CCNT1: variants seen among roughly 807,000 people sequenced by gnomAD.
CCNT1 encodes cyclin T1.
In CCNT1, 18 loss-of-function variants were observed where a neutral mutation model predicts 67.3. That is an observed-to-expected ratio of 0.27 (90% CI 0.18 to 0.40). The LOEUF (loss-of-function observed/expected upper bound fraction) is 0.40, where lower values mean the gene tolerates loss of function less well. Among genes scored for constraint, CCNT1 ranks in the 10% least tolerant of loss-of-function variants. The probability of loss-of-function intolerance (pLI) is 1.00; values close to 1 mark genes in which losing one functional copy is unlikely to be tolerated. For synonymous variants in CCNT1, 333 were observed against 310.3 expected (o/e 1.07, Z -0.77); for missense variants, 744 against 884.9 (o/e 0.84, Z 2.02).
At chr12:48,710,304 A>G (rs375983031) in intron 2 of CCNT1, among the ~76,000 whole-genome samples, 185 of 152,336 alleles carry the variant, frequency 1.2e-3, no homozygotes, top group African/African-American at 4.4e-3. Context: ...CATTTAATGT[A>G]TTAAGTCCTC....
At chr12:48,698,957 A>G (rs1940224136) in intron 5 of CCNT1, among the ~76,000 whole-genome samples, 1 of 140,354 alleles carries the variant, frequency 7.1e-6, no homozygotes, top group Non-Finnish European at 1.5e-5. Context: ...ACTCCGTCTC[A>G]AAAAAAAAAA....
rs746874868 is a variant in CCNT1, at chr12:48,693,293, T to C, written c.1921A>G (p.Lys641Glu). The change falls in exon 9 of 9, where the codon AAA (lysine) becomes GAA (glutamate). Residue 641 changes from lysine (K) to glutamate (E), a missense_variant. Physicochemically the swap from Lys to Glu is moderately conservative, Grantham distance 56. Transcript: ENST00000261900. Reference protein sequence around the residue: ...KTRVPHSKLDKGPTGANGHNT... With the variant: ...KTRVPHSKLDEGPTGANGHNT... ...TGACCATTGGCCCCAGTGGGCCCTT[T>C]ATCCAGTTTCGAATGAGGGACACGA... The C allele has an allele frequency of 6.2e-7, 1 of 1,614,254 alleles. No homozygotes were observed. Among genetic ancestry groups the C allele is most frequent in the South Asian group, 1.1e-5 (1 of 91,080 alleles).
intron 1 of CCNT1, among the ~76,000 whole-genome samples, chr12:48,715,304 A>G (rs978710046): frequency 8.5e-5 from 13 of 152,346 alleles, no homozygotes; most frequent in African/African-American, 2.9e-4. Context: ...AGATACACAC[A>G]TTACTGTCAG....
At chr12:48,697,688 G>A (rs1245109845) in intron 6 of CCNT1, among the ~76,000 whole-genome samples, 3 of 147,414 alleles carry the variant, frequency 2.0e-5, no homozygotes, top group Non-Finnish European at 3.0e-5. Flanking sequence ...GCGTGGTGGC[G>A]GGTACCTGTA....
intron 6 of CCNT1, among the ~76,000 whole-genome samples, chr12:48,697,733 G>C (rs1940194882): frequency 6.8e-6 from 1 of 146,562 alleles, no homozygotes; most frequent in South Asian, 2.1e-4. Flanking sequence ...GCAGGAGAAT[G>C]GTGTAAACCT....
intron 2 of CCNT1, among the ~76,000 whole-genome samples, chr12:48,712,506 C>T (rs1396293681): frequency 4.1e-5 from 6 of 145,628 alleles, no homozygotes; most frequent in East Asian, 2.0e-4. Flanking sequence ...TCAGGTGATC[C>T]GCCCGCCTCA....
Position 48,692,983 on chromosome 12 carries a change from A to C in CCNT1, c.*50T>G, listed in dbSNP as rs2137220892. 2 of 1,234,108 alleles carry C rather than the reference A, an allele frequency of 1.6e-6. No individual in the cohort carries two copies. Among genetic ancestry groups the C allele is most frequent in the Admixed American group, 5.6e-5 (2 of 35,564 alleles). 76.4% of individuals were successfully genotyped at this position (1,234,108 alleles called of 1,614,324 possible). A position where few individuals can be genotyped will look rare whatever the true frequency, so the allele number is the denominator to read the frequency against. On this transcript the variant is annotated 3_prime_UTR_variant, in exon 9 of 9. Transcript: ENST00000261900. ...TCTTAGTCCAAAAAAAAAAAAGAAAAATTATGTGTTTTTTTAAAGAAGTTT... is the reference window on the plus strand; with the variant it reads ...TCTTAGTCCAAAAAAAAAAAAGAAACATTATGTGTTTTTTTAAAGAAGTTT...
rs963931941 is a variant in CCNT1 at position 48,697,921 on chromosome 12, C to T, written c.542+217G>A. On this transcript the variant is annotated intron_variant, in intron 6 of 8. Transcript: ENST00000261900. The stretch of plus-strand genomic sequence containing the variant: ...GAATACTCCAAATTAGATTTTCAGT[C>T]ACTATCATGCAGAACTGAGTAGGTT... 6 of 284,562 alleles carry T rather than the reference C, an allele frequency of 2.1e-5. No individual in the cohort carries two copies. In the Admixed American group the frequency reaches 3.1e-4, roughly 15 times the overall value. 17.6% of individuals were successfully genotyped at this position (284,562 alleles called of 1,614,324 possible). A position where few individuals can be genotyped will look rare whatever the true frequency, so the allele number is the denominator to read the frequency against.
intron 2 of CCNT1, among the ~76,000 whole-genome samples, chr12:48,709,381 A>G (rs1340970457): frequency 6.6e-6 from 1 of 152,202 alleles, no homozygotes; most frequent in Non-Finnish European, 1.5e-5. Flanking sequence ...GCAAACTGAC[A>G]CTACAAAAAT....
chr12:48,710,460 T>C (rs1172112491), intron 2 of CCNT1, among the ~76,000 whole-genome samples: 2 of 152,074 alleles, frequency 1.3e-5, no homozygotes, highest in Non-Finnish European at 1.5e-5. Flanking sequence ...TCAGTGGATT[T>C]TGAAAAAGGT....
At chr12:48,695,027 T>G (rs1940146777) in intron 8 of CCNT1, among the ~76,000 whole-genome samples, 1 of 152,188 alleles carries the variant, frequency 6.6e-6, no homozygotes, top group Non-Finnish European at 1.5e-5. Context: ...TTTCACCATG[T>G]TGGCCAGGCT....
intron 2 of CCNT1, among the ~76,000 whole-genome samples, chr12:48,706,454 T>C (rs991168028): frequency 3.3e-5 from 5 of 152,216 alleles, no homozygotes; most frequent in South Asian, 2.1e-4. Context: ...GTGAATTATA[T>C]CTCAATTACT....
At chr12:48,708,123 A>C (rs1940392363) in intron 2 of CCNT1, among the ~76,000 whole-genome samples, 1 of 152,174 alleles carries the variant, frequency 6.6e-6, no homozygotes, top group African/African-American at 2.4e-5. Context: ...CATAAAGTTT[A>C]GAGCACTTTG....
At chr12:48,711,898 T>C (rs1007225908) in intron 2 of CCNT1, among the ~76,000 whole-genome samples, 7 of 152,182 alleles carry the variant, frequency 4.6e-5, no homozygotes, top group African/African-American at 1.7e-4. Context: ...GTTCATGCCA[T>C]TCTCCTGTCT....
At chr12:48,706,475 G>A (rs1051260919) in intron 2 of CCNT1, among the ~76,000 whole-genome samples, 3 of 152,000 alleles carry the variant, frequency 2.0e-5, no homozygotes, top group Non-Finnish European at 4.4e-5. Flanking sequence ...TATACATATC[G>A]AACCTTTCAA....
chr12:48,711,098 A>C (rs1259122126), intron 2 of CCNT1, among the ~76,000 whole-genome samples: 1 of 151,450 alleles, frequency 6.6e-6, no homozygotes, highest in East Asian at 1.9e-4. Context: ...CTTAAAAGAT[A>C]AGGCTGGACG....
Position 48,694,345 on chromosome 12 carries a change from C to G in CCNT1, c.869G>C (p.Ser290Thr). 3 of 1,614,188 alleles carry G rather than the reference C, an allele frequency of 1.9e-6. No individual in the cohort carries two copies. The East Asian group carries it at 6.7e-5, about 36-fold the overall frequency. Residue 290 changes from serine to threonine, a missense_variant, in exon 9 of 9, where the codon AGC becomes ACC. Physicochemically the swap from Ser to Thr is moderately conservative, Grantham distance 58. Transcript: ENST00000261900. ...EQTILNMISQ[S>T]SSDTTIAGLM... is the part of the protein sequence containing the mutation. The stretch of plus-strand genomic sequence containing the variant: ...ACCTGCAATGGTTGTGTCTGAAGAG[C>G]TCTGGGAAATCATATTGAGGATTGT...
At position 48,693,533 on chromosome 12, in the gene CCNT1, A is replaced by AG; in HGVS notation, c.1680dup (p.Ser562ValfsTer2). On this transcript the variant is annotated frameshift_variant, in exon 9 of 9. Coordinates refer to ENST00000261900, the MANE Select transcript of CCNT1 (RefSeq NM_001240.4). LOFTEE classifies it high-confidence loss of function. ...CTGGAAGAGGAAAAAGAACTAGACA[A>AG]GCTATAGGTTTTATGTGCTAAGTTG... 1 of 1,614,154 alleles carries AG rather than the reference A, an allele frequency of 6.2e-7. No homozygotes were observed. Among genetic ancestry groups the AG allele is most frequent in the Non-Finnish European group, 8.5e-7 (1 of 1,180,028 alleles).
chr12:48,715,865 T>C (rs1940525648), intron 1 of CCNT1, among the ~76,000 whole-genome samples: 1 of 152,244 alleles, frequency 6.6e-6, no homozygotes, highest in South Asian at 2.1e-4. Context: ...GGGTATCCCC[T>C]ACAAACGTAA....
Sources: allele counts gnomAD v4.1 joint callset (sites outside exome capture counted in the v4.1 genomes callset), GRCh38; gene constraint gnomAD v4.1.1; transcripts MANE v1.5; gene names NCBI Gene and HGNC (gene_info 2026-07-23, HGNC 2026-07-21).